Variants in ZNF831 observed in about 807,000 individuals in gnomAD.
The protein encoded by ZNF831 is chromosome 20 open reading frame 174.
ZNF831 carries 59 observed loss-of-function variants against 95.8 expected under a neutral mutation model. The observed-to-expected ratio is 0.62, with a 90% CI of 0.50 to 0.77. ZNF831 has a LOEUF of 0.77. Ranked by LOEUF, ZNF831 falls within the 30% of genes least tolerant of loss-of-function variation. The pLI is 0.00. For missense variants in ZNF831, 2,205 were observed against 2,164.0 expected (o/e 1.02, Z -0.38); for synonymous variants, 961 against 925.5 (o/e 1.04, Z -0.70).
chr20:59,191,316 G>A lies in ZNF831; in HGVS notation c.297G>A (p.Gly99=). The A allele has an allele frequency of 1.3e-6, 2 of 1,598,172 alleles. No homozygotes were observed. Among genetic ancestry groups the A allele is most frequent in the Non-Finnish European group, 8.5e-7 (1 of 1,172,520 alleles). The change falls in exon 2 of 6, where the codon GGG becomes GGA. Residue 99 remains glycine, a synonymous_variant. Coordinates refer to ENST00000371030, the MANE Select transcript of ZNF831 (RefSeq NM_178457.3). Reference sequence around the variant, plus strand: ...TCAGCCCTGTGCTGCAGCCTGAAGGGCCTGGCCCCACCCAGGTGGGGAAGC... The same window carrying A: ...TCAGCCCTGTGCTGCAGCCTGAAGGACCTGGCCCCACCCAGGTGGGGAAGC... ...FILSPVLQPE[G]PGPTQVGKPA...
intron 2 of ZNF831, among the ~76,000 whole-genome samples, chr20:59,148,379 G>A (rs1382329234): frequency 6.6e-6 from 1 of 152,066 alleles, no homozygotes; most frequent in Non-Finnish European, 1.5e-5. Flanking sequence ...CTGATGTTCT[G>A]AAGATGGGTT....
chr20:59,153,471 G>A (rs1980361551), intron 2 of ZNF831, among the ~76,000 whole-genome samples: 2 of 152,246 alleles, frequency 1.3e-5, no homozygotes, highest in Non-Finnish European at 1.5e-5. Flanking sequence ...GCCTCATTGA[G>A]GGAGTGAGTG....
intron 4 of ZNF831, among the ~76,000 whole-genome samples, chr20:59,210,130 G>A (rs890023975): frequency 1.3e-5 from 2 of 152,144 alleles, no homozygotes; most frequent in African/African-American, 2.4e-5. Context: ...GGACACACAC[G>A]GACACTCAGT....
intron 1 of ZNF831, among the ~76,000 whole-genome samples, chr20:59,141,082 T>G (rs1979663087): frequency 6.6e-6 from 1 of 152,160 alleles, no homozygotes. Flanking sequence ...GTATTTTTAG[T>G]AGAGACGAGG....
chr20:59,176,748 G>A (rs949535057), intron 1 of ZNF831, among the ~76,000 whole-genome samples: 1 of 152,092 alleles, frequency 6.6e-6, no homozygotes, highest in African/African-American at 2.4e-5. Flanking sequence ...TCAGTATTTG[G>A]GACGCTTCTT....
At chr20:59,142,960 G>A (rs375855620) in intron 1 of ZNF831, among the ~76,000 whole-genome samples, 2 of 152,186 alleles carry the variant, frequency 1.3e-5, no homozygotes, top group African/African-American at 2.4e-5. Flanking sequence ...GCAGTGGCAC[G>A]ATCATAACTC....
chr20:59,212,003 C>G (rs1985370845), intron 4 of ZNF831, among the ~76,000 whole-genome samples: 2 of 151,728 alleles, frequency 1.3e-5, no homozygotes, highest in Admixed American at 6.6e-5. Context: ...AATTTAAAGG[C>G]AGAGAAAAAC....
intron 1 of ZNF831, among the ~76,000 whole-genome samples, chr20:59,176,736 C>T (rs185548093): frequency 2.6e-5 from 4 of 152,328 alleles, no homozygotes; most frequent in Non-Finnish European, 2.9e-5. Context: ...TTCTGAATCA[C>T]GTCAGTATTT....
At position 59,190,568 on chromosome 20, in the gene ZNF831, C is replaced by T. The variant is rs779042362; in HGVS notation, c.-36-416C>T. 1.2e-4 allele frequency among the ~76,000 whole-genome samples: 18 copies of T among 152,196 alleles called. 1 individual carries two copies. The highest frequency in any genetic ancestry group is 1.9e-4 in the East Asian group (1 of 5,198). ...AAGAAAAGGGATTTGTGCAAGTGCA[C>T]GGAATCACTGTGAACTTCGAGGACC... On this transcript the variant is annotated intron_variant, in intron 1 of 5. Transcript: ENST00000371030.
intron 4 of ZNF831, among the ~76,000 whole-genome samples, chr20:59,218,911 G>A (rs1368430164): frequency 1.3e-5 from 2 of 152,126 alleles, no homozygotes; most frequent in East Asian, 3.9e-4. Flanking sequence ...TACTTGGGAG[G>A]CTGAGGTAAG....
In ZNF831 at chr20:59,133,981, G is replaced by T. The variant is rs143655393; in HGVS notation, c.-1425+10476G>T. On this transcript the variant is annotated intron_variant, in intron 1 of 7. Transcript: ENST00000637017. Reference sequence around the variant, plus strand: ...CCTTCTGGGCTTGGCCCATGGTGGGGCTGCTGCTCTTTGGGGCCCTGATAT... The same window carrying T: ...CCTTCTGGGCTTGGCCCATGGTGGGTCTGCTGCTCTTTGGGGCCCTGATAT... 1.7e-3 allele frequency among the ~76,000 whole-genome samples: 257 copies of T among 152,336 alleles called. 3 individuals are homozygous for T. The highest frequency in any genetic ancestry group is 6.1e-3 in the African/African-American group (252 of 41,582).
intron 4 of ZNF831, among the ~76,000 whole-genome samples, chr20:59,250,906 A>G (rs1283189803): frequency 1.3e-5 from 2 of 152,192 alleles, no homozygotes; most frequent in African/African-American, 4.8e-5. Context: ...CAATAACCCA[A>G]TAAGGGCAAT....
upstream of ZNF831, among the ~76,000 whole-genome samples, chr20:59,158,982 G>A (rs1248213727): frequency 5.9e-5 from 9 of 152,136 alleles, no homozygotes; most frequent in Admixed American, 5.9e-4. Context: ...TCTGTTCCAG[G>A]ATCCAAGCCA....
In ZNF831 at chr20:59,217,239, C is replaced by G. The variant is rs951499160; in HGVS notation, c.4027+10183C>G. ...TGCACATCTCATTGCACAACTTGCT[C>G]TTTTTACTCAAAAATGTTTTGTGGT... On this transcript the variant is annotated intron_variant, in intron 4 of 5. Transcript: ENST00000371030. The surrounding 1 kb of genome is among the most constrained non-coding windows in gnomAD (Gnocchi z 4.4). Among the ~76,000 whole-genome samples the G allele has an allele frequency of 6.6e-6, 1 of 151,932 alleles. No individual in the cohort carries two copies. Among genetic ancestry groups the G allele is most frequent in the Non-Finnish European group, 1.5e-5 (1 of 68,018 alleles).
chr20:59,176,152 T>C (rs1244301916), intron 1 of ZNF831, among the ~76,000 whole-genome samples: 2 of 152,200 alleles, frequency 1.3e-5, no homozygotes, highest in African/African-American at 4.8e-5. Context: ...AAGGAATGAA[T>C]GATTGGAGCA....
chr20:59,130,043 A>C (rs1259670321), intron 1 of ZNF831, among the ~76,000 whole-genome samples: 2 of 152,218 alleles, frequency 1.3e-5, no homozygotes, highest in Admixed American at 1.3e-4. Flanking sequence ...TTAGAGCAGA[A>C]ATGAACCACC....
intron 4 of ZNF831, among the ~76,000 whole-genome samples, chr20:59,220,034 G>A (rs574429229): frequency 1.6e-4 from 25 of 152,134 alleles, no homozygotes; most frequent in South Asian, 4.2e-4. Flanking sequence ...GGGAGGGAGA[G>A]AAACTCTCAT....
intron 2 of ZNF831, among the ~76,000 whole-genome samples, chr20:59,149,672 G>T (rs1369312137): frequency 6.6e-6 from 1 of 152,234 alleles, no homozygotes; most frequent in African/African-American, 2.4e-5. Context: ...CCCCTGTATG[G>T]AGAGCAGACA....
rs746923342 is a variant in ZNF831, at chr20:59,191,641, G to A, written c.622G>A (p.Gly208Ser). 2.6e-6 allele frequency: 4 copies of A among 1,566,270 alleles called. No homozygotes were observed. Among genetic ancestry groups the A allele is most frequent in the Middle Eastern group, 3.4e-4 (2 of 5,820 alleles). The change falls in exon 2 of 6, where the codon GGC (glycine) becomes AGC (serine). Residue 208 changes from glycine to serine, a missense_variant. Physicochemically the swap from Gly to Ser is moderately conservative, Grantham distance 56. Coordinates refer to ENST00000371030, the MANE Select transcript of ZNF831 (RefSeq NM_178457.3). ...CTCCCGGCTGTCCTCAGAGTCCGAG[G>A]GCGCCGGGGGCGGCCTCCTGGAGGA... is the stretch of plus-strand genomic sequence containing the variant. ...NNSRLSSESE[G>S]AGGGLLEEGD...
Sources: gnomAD v4.1 joint callset for allele counts (sites outside exome capture counted in the v4.1 genomes callset) on GRCh38, gnomAD v4.1.1 for gene constraint, Gnocchi (gnomAD v3.1) non-coding constraint, MANE v1.5 for transcripts, NCBI Gene and HGNC (gene_info 2026-07-23, HGNC 2026-07-21) for gene names.